Variants in DOCK8 observed in about 807,000 individuals in gnomAD.
DOCK8 encodes the protein dedicator of cytokinesis 8, also known as dedicator of cytokinesis protein 8.
DOCK8 carries 141 observed loss-of-function variants against 245.6 expected under a neutral mutation model. The ratio of observed to expected loss-of-function variants is 0.57; its 90% confidence interval spans 0.50 to 0.66. The LOEUF is 0.66. Among genes scored for constraint, DOCK8 ranks in the 30% least tolerant of loss-of-function variants. The probability of loss-of-function intolerance (pLI) is 0.00; values close to 1 mark genes in which losing one functional copy is unlikely to be tolerated. For missense variants in DOCK8, 2,965 were observed against 2,603.4 expected (o/e 1.14, Z -3.02); for synonymous variants, 1,168 against 970.2 (o/e 1.20, Z -3.79).
chr9:412,417 A>G (rs1165995011), intron 28 of DOCK8, among the ~76,000 whole-genome samples: 1 of 151,554 alleles, frequency 6.6e-6, no homozygotes, highest in Non-Finnish European at 1.5e-5. Flanking sequence ...AAAAAAAAAA[A>G]AAAAGAAAAA....
intron 7 of DOCK8, among the ~76,000 whole-genome samples, chr9:323,018 G>T (rs1490456419): frequency 6.6e-6 from 1 of 151,492 alleles, no homozygotes; most frequent in Non-Finnish European, 1.5e-5. Context: ...GCTTGAACCT[G>T]GGTGGCGGAG....
chr9:325,988 A>G (rs1034665712), intron 8 of DOCK8, among the ~76,000 whole-genome samples: 2 of 152,232 alleles, frequency 1.3e-5, no homozygotes, highest in East Asian at 1.9e-4. Flanking sequence ...AAAGAATGAA[A>G]TAGCGCATGG....
chr9:376,193 T>C lies in DOCK8; in HGVS notation c.2110-17T>C, dbSNP rs2053508290. On this transcript the variant is annotated splice_polypyrimidine_tract_variant and intron_variant, in intron 18 of 47. Transcript: ENST00000432829. ...GGGAATTGGATTGCTAATCTTTTTT[T>C]TTTCTCTTTAACACAGAAAGTCCCA... 14 of 1,563,430 alleles carry C rather than the reference T, an allele frequency of 9.0e-6. No individual in the cohort carries two copies. The highest frequency in any genetic ancestry group is 1.2e-5 in the Non-Finnish European group (14 of 1,134,058).
At chr9:416,560 G>T (rs1301020654) in intron 29 of DOCK8, among the ~76,000 whole-genome samples, 1 of 152,144 alleles carries the variant, frequency 6.6e-6, no homozygotes, top group Non-Finnish European at 1.5e-5. Context: ...ACAGTGAAAA[G>T]TATTTTATTG....
At chr9:439,411 G>C (rs762519622) in intron 40 of DOCK8, 23 bp downstream of exon 40, 5 of 1,610,256 alleles carry the variant, frequency 3.1e-6, no homozygotes, top group Non-Finnish European at 4.2e-6. Flanking sequence ...AGGGCATCCC[G>C]GGGCCTGGCC....
intron 4 of DOCK8, among the ~76,000 whole-genome samples, chr9:298,222 C>T (rs370960601): frequency 1.3e-5 from 2 of 152,162 alleles, no homozygotes; most frequent in East Asian, 3.9e-4. Context: ...GTCAGGAGTT[C>T]GAGACCAGCC....
At chr9:373,935 G>A (rs1045187513) in intron 18 of DOCK8, among the ~76,000 whole-genome samples, 3 of 152,146 alleles carry the variant, frequency 2.0e-5, no homozygotes, top group African/African-American at 4.8e-5. Context: ...ATCTTTTTAA[G>A]CTATAGGAAA....
chr9:422,207 A>C, intron 33 of DOCK8, 72 bp downstream of exon 33: 2 of 1,183,048 alleles, frequency 1.7e-6, no homozygotes, highest in Non-Finnish European at 1.3e-6. Flanking sequence ...TGCTTGTATT[A>C]CTGAAACAAC....
intron 46 of DOCK8, among the ~76,000 whole-genome samples, chr9:462,617 A>G (rs564394889): frequency 2.4e-4 from 37 of 152,312 alleles, no homozygotes; most frequent in African/African-American, 8.4e-4. Flanking sequence ...TAAAATCTTA[A>G]TGGGCAGTCC....
intron 4 of DOCK8, among the ~76,000 whole-genome samples, chr9:290,127 T>C (rs913382681): frequency 9.2e-5 from 14 of 152,226 alleles, no homozygotes; most frequent in African/African-American, 3.4e-4. Flanking sequence ...TCCATTAACT[T>C]ACTGAGAAAG....
In DOCK8 at chr9:426,981, G is replaced by C; in HGVS notation, c.4338G>C (p.Gln1446His). ...TGGATATGCAGGAAAACATTATCCA[G>C]GTGAGGAAAACAAACACCCAATCTG... ...IILDMQENIIQASSALDCKDS... is the reference protein window; with the variant it reads ...IILDMQENIIHASSALDCKDS... Residue 1446 changes from glutamine to histidine, a missense_variant and splice_region_variant, in exon 34 of 48, where the codon CAG becomes CAC. By Grantham distance (24) the Gln-to-His change is conservative. Coordinates refer to ENST00000432829, the MANE Select transcript of DOCK8 (RefSeq NM_203447.4). 1 of 1,613,490 alleles carries C rather than the reference G, an allele frequency of 6.2e-7. No individual in the cohort carries two copies. Among genetic ancestry groups the C allele is most frequent in the Non-Finnish European group, 8.5e-7 (1 of 1,179,606 alleles).
chr9:247,157 T>C (rs2047525083), intron 1 of DOCK8, among the ~76,000 whole-genome samples: 3 of 152,218 alleles, frequency 2.0e-5, no homozygotes, highest in African/African-American at 7.2e-5. Context: ...TACAGCTGAA[T>C]TGGAATATAG....
rs74834571 is a variant in DOCK8, at chr9:438,551, G to A, written c.5080-694G>A. Among the ~76,000 whole-genome samples the A allele has an allele frequency of 9.7e-3, 1,472 of 152,304 alleles. 24 individuals carry two copies. The highest frequency in any genetic ancestry group is 0.033 in the African/African-American group (1,384 of 41,562). On this transcript the variant is annotated intron_variant, in intron 39 of 47. Coordinates refer to ENST00000432829, the MANE Select transcript of DOCK8 (RefSeq NM_203447.4). ...CACCCTCAGGGTCGAGCGGGTACAA[G>A]ATCAGTACTTCCATGGCCCTAAAAG... is the stretch of plus-strand genomic sequence containing the variant.
intron 22 of DOCK8, among the ~76,000 whole-genome samples, chr9:384,865 A>G (rs868488939): frequency 1.7e-4 from 26 of 152,270 alleles, no homozygotes; most frequent in African/African-American, 2.4e-4. Flanking sequence ...GCAGTAAGCC[A>G]AGATCGTGCC....
At chr9:354,664 T>A (rs1887527) in intron 14 of DOCK8, among the ~76,000 whole-genome samples, 114,277 of 152,082 alleles carry the variant, frequency 0.75, 44,528 homozygotes, top group South Asian at 0.88. Context: ...AGCTCACTCA[T>A]GTGGCTGTTG....
At position 242,247 on chromosome 9, in the gene DOCK8, C is replaced by A. The variant is rs76652908; in HGVS notation, c.53+27218C>A. Among the ~76,000 whole-genome samples, 893 of 152,196 alleles carry A rather than the reference C, an allele frequency of 5.9e-3. 6 individuals carry two copies. The highest frequency in any genetic ancestry group is 0.02 in the African/African-American group (832 of 41,536). Reference sequence around the variant, plus strand: ...GGTCCACTCCCCACCTCACCACCCCCCAAAAAATGACTGCTGTGCTCCAAC... The same window carrying A: ...GGTCCACTCCCCACCTCACCACCCCACAAAAAATGACTGCTGTGCTCCAAC... On this transcript the variant is annotated intron_variant, in intron 1 of 47. Coordinates refer to ENST00000432829, the MANE Select transcript of DOCK8 (RefSeq NM_203447.4).
intron 40 of DOCK8, among the ~76,000 whole-genome samples, chr9:439,833 A>G (rs2057030480): frequency 6.6e-6 from 1 of 152,172 alleles, no homozygotes; most frequent in African/African-American, 2.4e-5. Flanking sequence ...CTTCCCTCCT[A>G]GCCACTGTGC....
intron 42 of DOCK8, 123 bp from the exon 43 acceptor site, chr9:443,302 ACT>A: frequency 1.1e-6 from 1 of 912,116 alleles, no homozygotes; most frequent in Non-Finnish European, 1.8e-6. Flanking sequence ...GCTCAGAGGA[ACT>A]CTCAATAATC....
chr9:242,963 C>T (rs940421996), intron 1 of DOCK8, among the ~76,000 whole-genome samples: 12 of 152,126 alleles, frequency 7.9e-5, no homozygotes, highest in African/African-American at 1.9e-4. Context: ...ATCTCTTCAT[C>T]GGAACTTGGA....
Sources: gnomAD v4.1 joint callset for allele counts (sites outside exome capture counted in the v4.1 genomes callset) on GRCh38, gnomAD v4.1.1 for gene constraint, MANE v1.5 for transcripts, NCBI Gene and HGNC (gene_info 2026-07-23, HGNC 2026-07-21) for gene names.